ZNF496: variants seen among roughly 807,000 people sequenced by gnomAD.
The protein encoded by ZNF496 is NSD1 (nuclear receptor binding SET-domain containing 1)-interacting zinc finger protein 1.
A neutral mutation model predicts 58.9 loss-of-function variants in ZNF496; 11 were observed. The ratio of observed to expected loss-of-function variants is 0.19; its 90% confidence interval spans 0.12 to 0.31. ZNF496 has a LOEUF of 0.31. Among genes scored for constraint, ZNF496 ranks in the 10% least tolerant of loss-of-function variants. The pLI is 1.00. For missense variants in ZNF496, 660 were observed against 783.0 expected (o/e 0.84, Z 1.88); for synonymous variants, 338 against 318.2 (o/e 1.06, Z -0.66).
chr1:247,310,578 T>C, intron 6 of ZNF496, 122 bp from the exon 7 acceptor site: 1 of 1,330,910 alleles, frequency 7.5e-7, no homozygotes, highest in Non-Finnish European at 1.0e-6. Flanking sequence ...AACAGAAATC[T>C]GTTCCTCACA....
intron 6 of ZNF496, chr1:247,322,625 A>C: frequency 1.9e-5 from 18 of 944,904 alleles, no homozygotes; most frequent in Non-Finnish European, 2.2e-5. Flanking sequence ...CTGACTCCTC[A>C]GAGCACCCGA....
At chr1:247,301,933 C>T (rs1172015029) in intron 9 of ZNF496, among the ~76,000 whole-genome samples, 1 of 152,180 alleles carries the variant, frequency 6.6e-6, no homozygotes, top group Non-Finnish European at 1.5e-5. Context: ...CCCCACAGCT[C>T]CCCGGCTCCC....
chr1:247,319,736 A>C (rs1174427860), intron 6 of ZNF496, among the ~76,000 whole-genome samples: 1 of 152,166 alleles, frequency 6.6e-6, no homozygotes, highest in African/African-American at 2.4e-5. Context: ...CAGCCTGGCC[A>C]ACATGGTGAA....
rs1231232813 is a variant in ZNF496, at chr1:247,308,642, C to G, written c.893-54G>C. 2 of 1,518,436 alleles carry G rather than the reference C, an allele frequency of 1.3e-6. No homozygotes were observed. Among genetic ancestry groups the G allele is most frequent in the Non-Finnish European group, 1.8e-6 (2 of 1,094,856 alleles). 94.1% of individuals were successfully genotyped at this position (1,518,436 alleles called of 1,614,324 possible). ...ATTTGTTTTGCACCTACAGCACTACCTGGGAGGGTGCTATCCGAATAGATG... is the reference window on the plus strand; with the variant it reads ...ATTTGTTTTGCACCTACAGCACTACGTGGGAGGGTGCTATCCGAATAGATG... On this transcript the variant is annotated intron_variant, in intron 8 of 9. Coordinates refer to ENST00000682384, the MANE Select transcript of ZNF496 (RefSeq NM_032752.3). This position sits in a 1 kb window ranked among gnomAD's most constrained non-coding sequence, Gnocchi z 4.5.
At chr1:247,314,376 C>CA (rs1659705830) in intron 6 of ZNF496, among the ~76,000 whole-genome samples, 1 of 146,950 alleles carries the variant, frequency 6.8e-6, no homozygotes, top group South Asian at 2.1e-4. Flanking sequence ...TTACTTAATC[C>CA]ACTGTCTTGT....
chr1:247,311,611 AAT>A (rs1428477647), intron 6 of ZNF496: 5 of 152,138 alleles, frequency 3.3e-5, no homozygotes, highest in African/African-American at 1.2e-4. Context: ...TAATCTGCAG[AAT>A]AATCCTTTTT....
intron 6 of ZNF496, among the ~76,000 whole-genome samples, chr1:247,321,069 G>A (rs887355234): frequency 7.9e-5 from 12 of 152,066 alleles, no homozygotes; most frequent in East Asian, 1.9e-4. Flanking sequence ...CCAGCTACTC[G>A]GGAGGCTGAG....
rs1659214567 is a variant in ZNF496, at chr1:247,300,820, G to C, written c.1463C>G (p.Pro488Arg). Residue 488 changes from proline (P) to arginine (R), a missense_variant, in exon 10 of 10, where the codon CCG (proline) becomes CGG (arginine). Physicochemically the swap from Pro to Arg is moderately radical, Grantham distance 103. Transcript: ENST00000682384. The surrounding 1 kb of genome is among the most constrained non-coding windows in gnomAD (Gnocchi z 5.7). The part of the protein sequence containing the change: ...LLSHRRIHLQ[P>R]DRLQPVEKRE... ...CTTCTCCACCGGCTGGAGTCTGTCC[G>C]GCTGCAGGTGTATCCGCCGGTGGGA... 2 of 1,607,356 alleles carry C rather than the reference G, an allele frequency of 1.2e-6. No individual in the cohort carries two copies. Among genetic ancestry groups the C allele is most frequent in the African/African-American group, 1.3e-5 (1 of 74,990 alleles).
intron 2 of ZNF496, among the ~76,000 whole-genome samples, chr1:247,330,345 C>A (rs1572099172): frequency 6.6e-6 from 1 of 152,334 alleles, no homozygotes; most frequent in Middle Eastern, 3.4e-3. Flanking sequence ...CTGCCCTGAC[C>A]TTCAACCTCG....
chr1:247,322,672 T>G, intron 6 of ZNF496: 1 of 1,270,282 alleles, frequency 7.9e-7, no homozygotes. Context: ...AACGAGAACA[T>G]TCGAGGAAAT....
chr1:247,319,074 T>C (rs147539764), intron 6 of ZNF496, among the ~76,000 whole-genome samples: 2 of 152,358 alleles, frequency 1.3e-5, no homozygotes, highest in African/African-American at 4.8e-5. Flanking sequence ...CTCAACCCCC[T>C]GGGCTCAGGC....
intron 2 of ZNF496, among the ~76,000 whole-genome samples, chr1:247,331,139 T>C (rs1045802227): frequency 2.0e-5 from 3 of 152,170 alleles, no homozygotes; most frequent in Admixed American, 6.5e-5. Flanking sequence ...CCACCCGGGC[T>C]GCCACTCGGA....
Position 247,309,958 on chromosome 1 carries a change from G to T in ZNF496, c.785-152C>A. On this transcript the variant is annotated intron_variant, in intron 7 of 9. Coordinates refer to ENST00000682384, the MANE Select transcript of ZNF496 (RefSeq NM_032752.3). The surrounding 1 kb of genome is among the most constrained non-coding windows in gnomAD (Gnocchi z 4.3). ...AAAAGGCCAGAGCTGGCAGTGCAGG[G>T]GCAGTGGGGGCAGCACACGCAGGGA... is the stretch of plus-strand genomic sequence containing the variant. 7.7e-7 allele frequency: 1 copy of T among 1,301,806 alleles called. No homozygotes were observed. The highest frequency in any genetic ancestry group is 1.0e-6 in the Non-Finnish European group (1 of 970,556). The allele number at this position is 1,301,806 out of a possible 1,614,324, so 80.6% of individuals were successfully genotyped here.
At chr1:247,327,315 T>G (rs993145379) in intron 5 of ZNF496, among the ~76,000 whole-genome samples, 1 of 152,174 alleles carries the variant, frequency 6.6e-6, no homozygotes, top group Non-Finnish European at 1.5e-5. Flanking sequence ...CCGCCCGCCT[T>G]GGCCTCCCAA....
chr1:247,326,194 C>T (rs541649001), intron 5 of ZNF496, among the ~76,000 whole-genome samples: 1 of 151,186 alleles, frequency 6.6e-6, no homozygotes, highest in Admixed American at 6.6e-5. Context: ...CTTTTGGCCC[C>T]GATAAATGAA....
At chr1:247,310,559 T>G (rs1659568324) in intron 6 of ZNF496, 103 bp from the exon 7 acceptor site, 4 of 1,446,114 alleles carry the variant, frequency 2.8e-6, no homozygotes, top group African/African-American at 1.4e-5. Context: ...GGACGGGCAG[T>G]TTCTATACAA....
chr1:247,309,889 G>A lies in ZNF496; in HGVS notation c.785-83C>T, dbSNP rs78041339. ...AGGGCTGGTCCAGAAGAGAGAAGGC[G>A]GAGGGATGCCCAGCGGGCATGGCAC... On this transcript the variant is annotated intron_variant, in intron 7 of 9. Transcript: ENST00000682384. This position sits in a 1 kb window ranked among gnomAD's most constrained non-coding sequence, Gnocchi z 4.3. 1.4e-4 allele frequency: 206 copies of A among 1,510,550 alleles called. No homozygotes were observed. In the African/African-American group the frequency reaches 2.3e-3, roughly 17 times the overall value. 93.6% of individuals were successfully genotyped at this position (1,510,550 alleles called of 1,614,324 possible).
Position 247,300,507 on chromosome 1 carries a change from A to G in ZNF496, c.*12T>C. The G allele has an allele frequency of 6.3e-7, 1 of 1,591,842 alleles. No homozygotes were observed. Among genetic ancestry groups the G allele is most frequent in the Non-Finnish European group, 8.6e-7 (1 of 1,166,076 alleles). The stretch of plus-strand genomic sequence containing the variant: ...GCACCAGCCAGGGTGAGGCCGCCCC[A>G]GGCGGAGAGGCTCAGTAGGAGTTCA... On this transcript the variant is annotated 3_prime_UTR_variant, in exon 10 of 10. Transcript: ENST00000682384. This position sits in a 1 kb window ranked among gnomAD's most constrained non-coding sequence, Gnocchi z 5.7.
rs1036213585 is a variant in ZNF496 at position 247,297,614 on chromosome 1, A to G, written c.*2905T>C. 1 of 152,240 alleles carries G rather than the reference A, an allele frequency of 6.6e-6. No individual in the cohort carries two copies. The highest frequency in any genetic ancestry group is 2.4e-5 in the African/African-American group (1 of 41,434). 9.4% of individuals were successfully genotyped at this position (152,240 alleles called of 1,614,324 possible). On this transcript the variant is annotated 3_prime_UTR_variant, in exon 10 of 10. Transcript: ENST00000682384. ...GCTGTTGTCAGATAAGGCCAAAGGT[A>G]TCAGTGGCCAAAAGGGAGACAAAGA...
Sources: gnomAD v4.1 joint callset for allele counts (sites outside exome capture counted in the v4.1 genomes callset) on GRCh38, gnomAD v4.1.1 for gene constraint, Gnocchi (gnomAD v3.1) non-coding constraint, MANE v1.5 for transcripts, NCBI Gene and HGNC (gene_info 2026-07-23, HGNC 2026-07-21) for gene names.